EGFLAM: variants seen among roughly 807,000 people sequenced by gnomAD.
EGFLAM encodes the protein pikachurin.
EGFLAM carries 79 observed loss-of-function variants against 113.1 expected under a neutral mutation model. The ratio of observed to expected loss-of-function variants is 0.70; its 90% CI spans 0.58 to 0.84. The LOEUF (loss-of-function observed/expected upper bound fraction) is 0.84, where lower values mean the gene tolerates loss of function less well. EGFLAM is among the 40% of genes least tolerant of loss of function. The pLI is 0.00. For synonymous variants in EGFLAM, 504 were observed against 487.6 expected, an observed-to-expected ratio of 1.03 and a Z score of -0.44; for missense variants, 1,265 against 1,291.6, an observed-to-expected ratio of 0.98 and a Z score of 0.32.
At chr5:38,277,318 G>C (rs535436836) in intron 1 of EGFLAM, among the ~76,000 whole-genome samples, 21 of 152,230 alleles carry the variant, frequency 1.4e-4, no homozygotes, top group Middle Eastern at 3.4e-3. Context: ...AATACTGTAT[G>C]ATCATCTCAA....
intron 19 of EGFLAM, among the ~76,000 whole-genome samples, chr5:38,454,410 C>T (rs367924599): frequency 9.9e-5 from 15 of 152,068 alleles, no homozygotes; most frequent in Non-Finnish European, 1.0e-4. Context: ...CCTTGCAAAA[C>T]GACAGGGTTC....
At chr5:38,263,405 T>C (rs1253401855) in intron 1 of EGFLAM, among the ~76,000 whole-genome samples, 1 of 152,150 alleles carries the variant, frequency 6.6e-6, no homozygotes, top group African/African-American at 2.4e-5. Context: ...GAGGTTACCA[T>C]GAGCCAAGAT....
chr5:38,431,230 C>G lies in EGFLAM; in HGVS notation c.2108C>G (p.Thr703Arg). 1 of 1,614,178 alleles carries G rather than the reference C, an allele frequency of 6.2e-7. No individual in the cohort carries two copies. Among genetic ancestry groups the G allele is most frequent in the Non-Finnish European group, 8.5e-7 (1 of 1,180,034 alleles). Residue 703 changes from threonine to arginine, a missense_variant, in exon 15 of 22, where the codon ACA becomes AGA. Coordinates refer to ENST00000322350, the MANE Select transcript of EGFLAM (RefSeq NM_152403.4). ...GNWHELRVSRTAKNGILQVDK... is the reference protein window; with the variant it reads ...GNWHELRVSRRAKNGILQVDK... Reference sequence around the variant, plus strand: ...TGGCACGAGCTTCGTGTATCTCGCACAGCAAAGAATGGAATCTTACAGGTG... The same window carrying G: ...TGGCACGAGCTTCGTGTATCTCGCAGAGCAAAGAATGGAATCTTACAGGTG...
In EGFLAM at chr5:38,438,410, G is replaced by A. The variant is rs752187022; in HGVS notation, c.2419G>A (p.Asp807Asn). Residue 807 changes from aspartate (D) to asparagine (N), a missense_variant, in exon 17 of 22, where the codon GAC (aspartate) becomes AAC (asparagine). Asp to Asn is a conservative substitution (Grantham distance 23). Transcript: ENST00000322350. The part of the protein sequence containing the change: ...GSCRPRKEGY[D>N]CDCPLGFEGL... ...CTGCCGGCCCAGGAAGGAGGGCTATGACTGTGACTGCCCCTTGGGCTTTGA... is the reference window on the plus strand; with the variant it reads ...CTGCCGGCCCAGGAAGGAGGGCTATAACTGTGACTGCCCCTTGGGCTTTGA... 5 of 1,613,750 alleles carry A rather than the reference G, an allele frequency of 3.1e-6. No individual in the cohort carries two copies. The highest frequency in any genetic ancestry group is 4.2e-6 in the Non-Finnish European group (5 of 1,179,842).
intron 17 of EGFLAM, among the ~76,000 whole-genome samples, chr5:38,447,466 T>C (rs1333286459): frequency 1.3e-5 from 2 of 152,078 alleles, no homozygotes; most frequent in Non-Finnish European, 2.9e-5. Flanking sequence ...GAAGATCTTG[T>C]GAAATAGACC....
intron 11 of EGFLAM, among the ~76,000 whole-genome samples, chr5:38,417,363 A>AC (rs1461559751): frequency 3.4e-5 from 5 of 148,938 alleles, no homozygotes; most frequent in African/African-American, 1.3e-4. Flanking sequence ...AAAAAAAAAA[A>AC]AAAAAACAAA....
chr5:38,455,011 A>T (rs1425112289), intron 19 of EGFLAM, among the ~76,000 whole-genome samples: 1 of 151,992 alleles, frequency 6.6e-6, no homozygotes. Context: ...TTGTTTTGTG[A>T]TTGTATGTGG....
At chr5:38,366,823 C>T (rs1296894726) in intron 5 of EGFLAM, among the ~76,000 whole-genome samples, 2 of 152,172 alleles carry the variant, frequency 1.3e-5, no homozygotes, top group African/African-American at 4.8e-5. Context: ...ATCCTGCATA[C>T]AATTTCTGAG....
intron 17 of EGFLAM, among the ~76,000 whole-genome samples, chr5:38,447,631 C>T (rs1010182589): frequency 6.6e-6 from 1 of 152,038 alleles, no homozygotes; most frequent in Non-Finnish European, 1.5e-5. Context: ...TGGCAGGTGC[C>T]TGTAATCCCA....
intron 1 of EGFLAM, among the ~76,000 whole-genome samples, chr5:38,315,139 A>G (rs1206420090): frequency 1.3e-5 from 2 of 152,200 alleles, no homozygotes; most frequent in Non-Finnish European, 2.9e-5. Context: ...AGGATGATTT[A>G]GCTTTGCACT....
chr5:38,315,331 C>T lies in EGFLAM; in HGVS notation c.98-22189C>T, dbSNP rs577221308. 5.5e-4 allele frequency among the ~76,000 whole-genome samples: 84 copies of T among 152,258 alleles called. 2 individuals carry two copies. The South Asian group carries it at 0.017, about 30-fold the overall frequency. On this transcript the variant is annotated intron_variant, in intron 1 of 21. Coordinates refer to ENST00000322350, the MANE Select transcript of EGFLAM (RefSeq NM_152403.4). Reference sequence around the variant, plus strand: ...GTGCCAGAAAATAGACAATTCATCACGCTTTATTGTGTCAGTCATGCATAT... The same window carrying T: ...GTGCCAGAAAATAGACAATTCATCATGCTTTATTGTGTCAGTCATGCATAT...
intron 6 of EGFLAM, among the ~76,000 whole-genome samples, chr5:38,373,559 C>T (rs184504993): frequency 2.0e-5 from 3 of 152,148 alleles, no homozygotes; most frequent in South Asian, 4.2e-4. Context: ...ATAATGACCT[C>T]CAGTTTCATT....
At chr5:38,460,111 A>C (rs1400469514) in intron 20 of EGFLAM, among the ~76,000 whole-genome samples, 1 of 152,214 alleles carries the variant, frequency 6.6e-6, no homozygotes, top group African/African-American at 2.4e-5. Context: ...AGAGACATCC[A>C]AAGGAATATG....
chr5:38,351,328 C>T (rs1739618292), intron 4 of EGFLAM, among the ~76,000 whole-genome samples: 2 of 151,930 alleles, frequency 1.3e-5, no homozygotes, highest in South Asian at 2.1e-4. Context: ...AGGCTGGTCT[C>T]GAACTCCTGA....
chr5:38,367,493 C>T (rs922331833), intron 5 of EGFLAM, among the ~76,000 whole-genome samples: 2 of 151,886 alleles, frequency 1.3e-5, no homozygotes, highest in African/African-American at 4.8e-5. Context: ...TCAAGCTATC[C>T]TCCCACCTCG....
chr5:38,292,903 T>A (rs1163659402), intron 1 of EGFLAM, among the ~76,000 whole-genome samples: 1 of 152,184 alleles, frequency 6.6e-6, no homozygotes, highest in African/African-American at 2.4e-5. Flanking sequence ...TCACAAAAAA[T>A]TTCCTGCTCT....
intron 6 of EGFLAM, among the ~76,000 whole-genome samples, chr5:38,395,998 C>A (rs1306054017): frequency 8.7e-6 from 1 of 115,566 alleles, no homozygotes; most frequent in Non-Finnish European, 1.9e-5. Flanking sequence ...CACCACCTAC[C>A]ACTCCATCTC....
chr5:38,303,213 T>TCA (rs1430275218), intron 1 of EGFLAM, among the ~76,000 whole-genome samples: 17 of 152,214 alleles, frequency 1.1e-4, no homozygotes, highest in Admixed American at 1.1e-3. Flanking sequence ...ATAGTATTCA[T>TCA]CACTCTTCAA....
At chr5:38,455,350 C>T (rs1283708482) in intron 19 of EGFLAM, among the ~76,000 whole-genome samples, 1 of 152,132 alleles carries the variant, frequency 6.6e-6, no homozygotes, top group African/African-American at 2.4e-5. Flanking sequence ...GTTCCCAAGA[C>T]GTGGGTAGAG....
Sources: allele counts gnomAD v4.1 joint callset (sites outside exome capture counted in the v4.1 genomes callset), GRCh38; gene constraint gnomAD v4.1.1; transcripts MANE v1.5; gene names NCBI Gene and HGNC (gene_info 2026-07-23, HGNC 2026-07-21).